IL16: variants seen among roughly 807,000 people sequenced by gnomAD.
IL16 encodes interleukin 16, also known as pro-interleukin-16.
IL16 carries 67 observed loss-of-function variants against 110.1 expected under a neutral mutation model. That is an observed-to-expected ratio of 0.61 (90% CI 0.50 to 0.75). The LOEUF (loss-of-function observed/expected upper bound fraction) is 0.75, where lower values mean the gene tolerates loss of function less well. IL16 is among the 30% of genes least tolerant of loss of function. The probability of loss-of-function intolerance (pLI) is 0.00; values close to 1 mark genes in which losing one functional copy is unlikely to be tolerated. For missense variants in IL16, 1,545 were observed against 1,655.0 expected (o/e 0.93, Z 1.15); for synonymous variants, 689 against 662.9 (o/e 1.04, Z -0.61).
intron 1 of IL16, among the ~76,000 whole-genome samples, chr15:81,204,709 C>T (rs567786770): frequency 1.4e-3 from 203 of 148,420 alleles, no homozygotes; most frequent in African/African-American, 4.9e-3. Flanking sequence ...GCACGTTGTG[C>T]ACATGTACCC....
At chr15:81,228,766 C>G (rs191158868) in intron 2 of IL16, among the ~76,000 whole-genome samples, 1 of 152,086 alleles carries the variant, frequency 6.6e-6, no homozygotes, top group African/African-American at 2.4e-5. Context: ...ATTGCTATTT[C>G]TGAAGGGCAA....
chr15:81,205,441 C>G (rs1895982886), intron 1 of IL16, among the ~76,000 whole-genome samples: 1 of 152,026 alleles, frequency 6.6e-6, no homozygotes, highest in Admixed American at 6.6e-5. Context: ...TTCTTGCAAT[C>G]AATGAAGAGG....
At chr15:81,258,285 T>G (rs1898020847) in intron 2 of IL16, among the ~76,000 whole-genome samples, 1 of 151,768 alleles carries the variant, frequency 6.6e-6, no homozygotes, top group Non-Finnish European at 1.5e-5. Context: ...GGGAGAGTCA[T>G]GTTTTCTGTT....
chr15:81,253,280 G>A (rs1049011477), intron 2 of IL16, among the ~76,000 whole-genome samples: 2 of 152,044 alleles, frequency 1.3e-5, no homozygotes, highest in Non-Finnish European at 2.9e-5. Context: ...TTGAAAAAAT[G>A]TCTATTCACA....
In IL16 at chr15:81,303,303, G is replaced by T; in HGVS notation, c.3319-246G>T. On this transcript the variant is annotated intron_variant, in intron 15 of 18. Transcript: ENST00000683961. This position sits in a 1 kb window ranked among gnomAD's most constrained non-coding sequence, Gnocchi z 4.1. ...CTCCCCCTGCCCGGCTGTGGACAGG[G>T]TGAATGAGAGAGGAAAATAATTATG... 1 of 468,704 alleles carries T rather than the reference G, an allele frequency of 2.1e-6. No homozygotes were observed. Among genetic ancestry groups the T allele is most frequent in the South Asian group, 2.4e-5 (1 of 41,032 alleles). The allele number at this position is 468,704 out of a possible 1,614,324, so 29.0% of individuals were successfully genotyped here.
chr15:81,203,584 T>C (rs1335802751), intron 1 of IL16, among the ~76,000 whole-genome samples: 1 of 152,076 alleles, frequency 6.6e-6, no homozygotes, highest in Non-Finnish European at 1.5e-5. Context: ...AGGGAATCCT[T>C]TCCCCATTGC....
intron 5 of IL16, among the ~76,000 whole-genome samples, chr15:81,270,647 T>G (rs1004956835): frequency 6.6e-6 from 1 of 152,250 alleles, no homozygotes; most frequent in African/African-American, 2.4e-5. Context: ...CTTTTTCCCC[T>G]TCAATTTAGG....
chr15:81,272,234 A>G (rs1274985340), intron 5 of IL16, among the ~76,000 whole-genome samples: 1 of 152,246 alleles, frequency 6.6e-6, no homozygotes, highest in African/African-American at 2.4e-5. Context: ...TTAGTCCTCA[A>G]CAAAATTGAG....
At chr15:81,226,982 A>G (rs1046567777) in intron 2 of IL16, among the ~76,000 whole-genome samples, 1 of 152,224 alleles carries the variant, frequency 6.6e-6, no homozygotes, top group South Asian at 2.1e-4. Context: ...TCTTAATATC[A>G]TAGGTATTTC....
rs916826040 is a variant in IL16 at position 81,197,155 on chromosome 15, G to A, written c.-102+3G>A. 6 of 1,287,556 alleles carry A rather than the reference G, an allele frequency of 4.7e-6. No homozygotes were observed. Among genetic ancestry groups the A allele is most frequent in the Admixed American group, 2.3e-5 (1 of 43,348 alleles). The allele number at this position is 1,287,556 out of a possible 1,614,324, so 79.8% of individuals were successfully genotyped here. On this transcript the variant is annotated splice_donor_region_variant and intron_variant, in intron 1 of 18. Transcript: ENST00000683961. ...ATAGGGAGGTAGGTGGGCACCAGGT[G>A]AGTGAATGTCTGTCAGGCAGCTGCT...
At position 81,269,569 on chromosome 15, in the gene IL16, C is replaced by A; in HGVS notation, c.596C>A (p.Thr199Lys). The A allele has an allele frequency of 6.2e-7, 1 of 1,614,058 alleles. No individual in the cohort carries two copies. The highest frequency in any genetic ancestry group is 8.5e-7 in the Non-Finnish European group (1 of 1,179,916). ...GTSRPTRSLS[T>K]AQLVQPSGGL... ...TCGAGACCAACACGGTCCCTGAGCA[C>A]AGCTCAGCTCGTGCAGCCATCTGGG... is the stretch of plus-strand genomic sequence containing the variant. Residue 199 changes from threonine to lysine, a missense_variant, in exon 5 of 19, where the codon ACA (threonine) becomes AAA (lysine). By Grantham distance (78) the Thr-to-Lys change is moderately conservative. Around this residue, in one of 3 missense-constraint regions of IL16, gnomAD observed 1,185 missense variants for 1,238.8 expected, o/e 0.96. Transcript: ENST00000683961.
In IL16 at chr15:81,285,746, G is replaced by C; in HGVS notation, c.1248G>C (p.Leu416=). 3.1e-6 allele frequency: 5 copies of C among 1,614,130 alleles called. No individual in the cohort carries two copies. Among genetic ancestry groups the C allele is most frequent in the Non-Finnish European group, 4.2e-6 (5 of 1,179,978 alleles). Residue 416 remains leucine, a synonymous_variant, in exon 10 of 19, where the codon CTG becomes CTC. Transcript: ENST00000683961. ...TCAGTGATTCCCCTGTGCACTGCCT[G>C]ACGCTCAATGAAGTCTACACGATCC... The part of the protein sequence containing the change: ...VEISDSPVHC[L]TLNEVYTILS...
intron 10 of IL16, among the ~76,000 whole-genome samples, chr15:81,289,633 T>A (rs1288970834): frequency 6.6e-6 from 1 of 152,210 alleles, no homozygotes; most frequent in East Asian, 1.9e-4. Flanking sequence ...GTTGTTTTGT[T>A]GTTGTTGTTG....
chr15:81,189,695 G>C (rs1895469973), intron 1 of IL16, among the ~76,000 whole-genome samples: 1 of 152,226 alleles, frequency 6.6e-6, no homozygotes, highest in African/African-American at 2.4e-5. Context: ...GGCAGGGCTT[G>C]TTGAAGCTCT....
chr15:81,275,177 A>T (rs1353881953), intron 6 of IL16, among the ~76,000 whole-genome samples: 2 of 151,306 alleles, frequency 1.3e-5, no homozygotes, highest in African/African-American at 4.9e-5. Context: ...GCAAACCAGG[A>T]TGTGTAGGTT....
At chr15:81,267,427 A>G (rs532273565) in intron 4 of IL16, among the ~76,000 whole-genome samples, 7 of 152,194 alleles carry the variant, frequency 4.6e-5, no homozygotes, top group African/African-American at 1.4e-4. Flanking sequence ...GACAGAACCA[A>G]TAAGAGATGT....
At chr15:81,231,299 G>A (rs956406533) in intron 2 of IL16, among the ~76,000 whole-genome samples, 3 of 139,066 alleles carry the variant, frequency 2.2e-5, no homozygotes, top group African/African-American at 7.9e-5. Flanking sequence ...GGGGAGGGGA[G>A]GGGAGATCTA....
intron 2 of IL16, among the ~76,000 whole-genome samples, chr15:81,235,031 G>T (rs572840106): frequency 6.6e-6 from 1 of 152,198 alleles, no homozygotes; most frequent in African/African-American, 2.4e-5. Context: ...ACCACTAGGG[G>T]CCATAAATGC....
chr15:81,276,519 TGAAA>T (rs1454676308), intron 6 of IL16, among the ~76,000 whole-genome samples: 1 of 152,162 alleles, frequency 6.6e-6, no homozygotes, highest in African/African-American at 2.4e-5. Flanking sequence ...GCCTTGATAA[TGAAA>T]GAGTTTCCCC....
Sources: gnomAD v4.1 joint callset for allele counts (sites outside exome capture counted in the v4.1 genomes callset) on GRCh38, gnomAD v4.1.1 for gene constraint, gnomAD v4.1.1 regional missense constraint, Gnocchi (gnomAD v3.1) non-coding constraint, MANE v1.5 for transcripts, NCBI Gene and HGNC (gene_info 2026-07-23, HGNC 2026-07-21) for gene names.